PIP4K2A: variants seen among roughly 807,000 people sequenced by gnomAD.
PIP4K2A encodes the protein phosphatidylinositol 5-phosphate 4-kinase type-2 alpha.
PIP4K2A carries 14 observed loss-of-function variants against 42.9 expected under a neutral mutation model. The observed-to-expected ratio is 0.33, with a 90% CI of 0.22 to 0.51. The LOEUF (loss-of-function observed/expected upper bound fraction) is 0.51. Among genes scored for constraint, PIP4K2A ranks in the 20% least tolerant of loss-of-function variants. The pLI is 0.97. For missense variants in PIP4K2A, 434 were observed against 519.8 expected (o/e 0.83, Z 1.61); for synonymous variants, 192 against 192.2 (o/e 1.00, Z 0.01).
chr10:22,693,240 T>A (rs182058834), intron 1 of PIP4K2A, among the ~76,000 whole-genome samples: 10 of 152,296 alleles, frequency 6.6e-5, no homozygotes, highest in African/African-American at 1.9e-4. Context: ...CTGTGAAAAA[T>A]TTTATGGTAA....
At chr10:22,675,622 G>C (rs1362541563) in intron 1 of PIP4K2A, among the ~76,000 whole-genome samples, 1 of 152,082 alleles carries the variant, frequency 6.6e-6, no homozygotes, top group Non-Finnish European at 1.5e-5. Flanking sequence ...CTGTTGAGGA[G>C]AAACAGTAAA....
chr10:22,668,549 G>C (rs1412774217), intron 1 of PIP4K2A, among the ~76,000 whole-genome samples: 2 of 152,100 alleles, frequency 1.3e-5, no homozygotes. Context: ...ATACAATTGG[G>C]CTGTATTTCA....
chr10:22,640,007 GTGT>G (rs1838745618), intron 1 of PIP4K2A, among the ~76,000 whole-genome samples: 1 of 121,882 alleles, frequency 8.2e-6, no homozygotes, highest in African/African-American at 3.1e-5. Flanking sequence ...ATGCATGGAT[GTGT>G]TGTCTTTTTT....
chr10:22,627,432 A>T (rs1838462930), intron 1 of PIP4K2A, among the ~76,000 whole-genome samples: 1 of 152,038 alleles, frequency 6.6e-6, no homozygotes, highest in African/African-American at 2.4e-5. Flanking sequence ...TATTAGGTGA[A>T]TAATACAGAT....
chr10:22,602,605 C>G (rs115125121), intron 3 of PIP4K2A, among the ~76,000 whole-genome samples: 1 of 152,202 alleles, frequency 6.6e-6, no homozygotes, highest in South Asian at 2.1e-4. Context: ...CATCCAAATA[C>G]CTTCACATTT....
At chr10:22,607,234 A>T (rs949671635) in intron 3 of PIP4K2A, among the ~76,000 whole-genome samples, 1 of 152,236 alleles carries the variant, frequency 6.6e-6, no homozygotes, top group African/African-American at 2.4e-5. Context: ...TCAGAAAAAA[A>T]TGATCATGGC....
At chr10:22,548,949 G>A (rs1220457302) in intron 7 of PIP4K2A, among the ~76,000 whole-genome samples, 1 of 152,144 alleles carries the variant, frequency 6.6e-6, no homozygotes, top group African/African-American at 2.4e-5. Context: ...AGCTACTATG[G>A]AGGCTGAGGC....
At chr10:22,631,768 A>G (rs1407172562) in intron 1 of PIP4K2A, among the ~76,000 whole-genome samples, 1 of 152,226 alleles carries the variant, frequency 6.6e-6, no homozygotes, top group African/African-American at 2.4e-5. Context: ...TCAGCAATAA[A>G]TGTTCAATTT....
chr10:22,569,500 T>C (rs1032098858), intron 5 of PIP4K2A, among the ~76,000 whole-genome samples: 2 of 152,258 alleles, frequency 1.3e-5, no homozygotes, highest in Admixed American at 6.5e-5. Flanking sequence ...GGACCAGAAG[T>C]ACCTTCCTTT....
At chr10:22,610,415 T>C (rs1401407022) in intron 1 of PIP4K2A, among the ~76,000 whole-genome samples, 1 of 152,216 alleles carries the variant, frequency 6.6e-6, no homozygotes, top group African/African-American at 2.4e-5. Context: ...ACCTGAACTT[T>C]CTCTTCGTTA....
chr10:22,614,504 C>G (rs1838130466), intron 1 of PIP4K2A, among the ~76,000 whole-genome samples: 1 of 152,128 alleles, frequency 6.6e-6, no homozygotes. Context: ...CTTTATTTCC[C>G]CTCCGGATTC....
chr10:22,584,659 G>A (rs1042870288), intron 4 of PIP4K2A, among the ~76,000 whole-genome samples: 4 of 152,144 alleles, frequency 2.6e-5, no homozygotes, highest in Non-Finnish European at 4.4e-5. Flanking sequence ...TGACGCCATC[G>A]GCAAGCTTCG....
chr10:22,611,053 AAAT>A (rs1838023977), intron 1 of PIP4K2A, among the ~76,000 whole-genome samples: 2 of 152,236 alleles, frequency 1.3e-5, no homozygotes, highest in Admixed American at 6.5e-5. Context: ...ATATTTGAAA[AAAT>A]AATGATTCAG....
intron 1 of PIP4K2A, among the ~76,000 whole-genome samples, chr10:22,629,164 G>T (rs1223193997): frequency 6.6e-6 from 1 of 152,118 alleles, no homozygotes; most frequent in East Asian, 1.9e-4. Flanking sequence ...AATGCTTAAG[G>T]ATTATTAAGC....
At chr10:22,572,574 C>A in intron 5 of PIP4K2A, among the ~76,000 whole-genome samples, 1 of 150,608 alleles carries the variant, frequency 6.6e-6, no homozygotes, top group African/African-American at 2.5e-5. Context: ...CACTGCGCTC[C>A]AGACTGAGCA....
chr10:22,612,442 C>T (rs1838069314), intron 1 of PIP4K2A, among the ~76,000 whole-genome samples: 2 of 152,136 alleles, frequency 1.3e-5, no homozygotes, highest in African/African-American at 2.4e-5. Flanking sequence ...AGGAAGAAGG[C>T]GAGTCCTAGA....
intron 6 of PIP4K2A, among the ~76,000 whole-genome samples, chr10:22,560,386 G>A (rs1387792033): frequency 6.6e-6 from 1 of 152,142 alleles, no homozygotes; most frequent in East Asian, 1.9e-4. Context: ...GACCAGATAG[G>A]GGTAGTAATT....
chr10:22,671,758 A>G (rs1839455404), intron 1 of PIP4K2A, among the ~76,000 whole-genome samples: 1 of 151,740 alleles, frequency 6.6e-6, no homozygotes, highest in Non-Finnish European at 1.5e-5. Context: ...ACACACACAC[A>G]CACACACACA....
intron 1 of PIP4K2A, among the ~76,000 whole-genome samples, chr10:22,644,756 T>C (rs1401113158): frequency 6.6e-6 from 1 of 152,234 alleles, no homozygotes; most frequent in Admixed American, 6.5e-5. Flanking sequence ...TGTGTGTCTA[T>C]TTTTTCCCTA....
Sources: allele counts gnomAD v4.1 joint callset (sites outside exome capture counted in the v4.1 genomes callset), GRCh38; gene constraint gnomAD v4.1.1; transcripts MANE v1.5; gene names NCBI Gene and HGNC (gene_info 2026-07-23, HGNC 2026-07-21).